Variants in AMMECR1 observed in about 807,000 individuals in gnomAD.
AMMECR1 encodes the protein AMMECR nuclear protein 1.
Under a neutral mutation model 22.5 loss-of-function variants are expected in AMMECR1, and 3 were observed. That is an observed-to-expected ratio of 0.13 (90% CI 0.06 to 0.35). AMMECR1 has a LOEUF of 0.35. Ranked by LOEUF, AMMECR1 falls within the 10% of genes least tolerant of loss-of-function variation. The pLI is 1.00. For synonymous variants in AMMECR1, 130 were observed against 116.7 expected (o/e 1.11, Z -0.74); for missense variants, 235 against 278.7 (o/e 0.84, Z 1.12).
intron 2 of AMMECR1, among the ~76,000 whole-genome samples, chrX:110,344,733 C>T (rs1602914225): frequency 9.0e-6 from 1 of 111,514 alleles, no homozygotes; most frequent in East Asian, 2.8e-4. Context: ...AGCCAACAGA[C>T]ACATGAAAAA....
At chrX:110,344,358 G>T (rs1357458556) in intron 2 of AMMECR1, among the ~76,000 whole-genome samples, 9 of 112,358 alleles carry the variant, frequency 8.0e-5, no homozygotes, top group African/African-American at 2.9e-4. Flanking sequence ...ATGGATTAAA[G>T]ACTTACATGT....
intron 2 of AMMECR1, among the ~76,000 whole-genome samples, chrX:110,346,105 A>G (rs1417355466): frequency 1.8e-5 from 2 of 112,594 alleles, no homozygotes; most frequent in African/African-American, 6.4e-5. Flanking sequence ...ACAATTATTT[A>G]GCATTTCAAG....
intron 2 of AMMECR1, among the ~76,000 whole-genome samples, chrX:110,351,808 T>C (rs1305435916): frequency 8.9e-6 from 1 of 112,101 alleles, no homozygotes; most frequent in African/African-American, 3.2e-5. Flanking sequence ...GAGAATAAGA[T>C]GTGAAAGTGT....
intron 2 of AMMECR1, among the ~76,000 whole-genome samples, chrX:110,388,610 C>T (rs941740285): frequency 1.5e-4 from 17 of 112,199 alleles, no homozygotes; most frequent in African/African-American, 4.9e-4. Flanking sequence ...GGTTCTCAGG[C>T]GTGAGGATGC....
chrX:110,259,879 G>A (rs772424357), intron 2 of AMMECR1, among the ~76,000 whole-genome samples: 15 of 111,304 alleles, frequency 1.3e-4, no homozygotes, highest in Non-Finnish European at 2.1e-4. Flanking sequence ...CACCGCGCCC[G>A]GCCAGGAATC....
intron 2 of AMMECR1, among the ~76,000 whole-genome samples, chrX:110,388,003 A>G (rs1330314511): frequency 9.2e-6 from 1 of 108,997 alleles, no homozygotes; most frequent in Non-Finnish European, 1.9e-5. Flanking sequence ...CTGGGACAAC[A>G]GGCGCCCGCC....
intron 1 of AMMECR1, among the ~76,000 whole-genome samples, chrX:110,287,082 T>C (rs2067884301): frequency 8.9e-6 from 1 of 112,153 alleles, no homozygotes; most frequent in South Asian, 3.7e-4. Context: ...TTAAACAGTT[T>C]GCCTTCTTGT....
chrX:110,385,769 C>T (rs976678403), intron 2 of AMMECR1, among the ~76,000 whole-genome samples: 2 of 111,349 alleles, frequency 1.8e-5, no homozygotes, highest in Admixed American at 9.5e-5. Flanking sequence ...ATCCCATCAC[C>T]CAGACAGTGA....
At chrX:110,343,372 C>A in intron 2 of AMMECR1, among the ~76,000 whole-genome samples, 1 of 111,177 alleles carries the variant, frequency 9.0e-6, no homozygotes, top group African/African-American at 3.3e-5. Context: ...TATGACAAAC[C>A]CACAGCCAAT....
At chrX:110,324,854 G>T (rs1314861164) in intron 2 of AMMECR1, among the ~76,000 whole-genome samples, 1 of 110,513 alleles carries the variant, frequency 9.0e-6, no homozygotes, top group African/African-American at 3.3e-5. Flanking sequence ...CTTCATCATG[G>T]TATATAATTA....
At chrX:110,395,363 G>A (rs1328649316) in intron 2 of AMMECR1, among the ~76,000 whole-genome samples, 1 of 112,085 alleles carries the variant, frequency 8.9e-6, no homozygotes, top group Non-Finnish European at 1.9e-5. Context: ...CCAGGGCAGA[G>A]GCTAGACTGT....
chrX:110,291,025 A>C (rs992203806), intron 1 of AMMECR1, among the ~76,000 whole-genome samples: 3 of 111,888 alleles, frequency 2.7e-5, no homozygotes, highest in African/African-American at 9.8e-5. Flanking sequence ...AGATTTAAAA[A>C]TTCACTGCTC....
chrX:110,350,890 T>G (rs1465740420), intron 2 of AMMECR1, among the ~76,000 whole-genome samples: 1 of 110,938 alleles, frequency 9.0e-6, no homozygotes, highest in African/African-American at 3.3e-5. Context: ...GGAGGTTCAC[T>G]TGAGCCTGGC....
At chrX:110,332,974 C>T (rs900156720) in intron 2 of AMMECR1, among the ~76,000 whole-genome samples, 2 of 111,556 alleles carry the variant, frequency 1.8e-5, no homozygotes, top group South Asian at 7.6e-4. Flanking sequence ...AATACTAGTC[C>T]GTGAGGATGC....
intron 2 of AMMECR1, among the ~76,000 whole-genome samples, chrX:110,406,255 CT>C (rs2068600689): frequency 9.2e-6 from 1 of 109,259 alleles, no homozygotes; most frequent in South Asian, 4.1e-4. Flanking sequence ...TATCCCTCCC[CT>C]AGCCCCCCAC....
chrX:110,288,006 A>G (rs182668532), intron 1 of AMMECR1, among the ~76,000 whole-genome samples: 2 of 112,410 alleles, frequency 1.8e-5, no homozygotes, highest in East Asian at 5.6e-4. Context: ...ATACATGAAT[A>G]GAATTTAATA....
At position 110,420,747 on chromosome X, in the gene AMMECR1, A is replaced by G. The variant is rs139484444; in HGVS notation, c.-148+5911T>C. The stretch of plus-strand genomic sequence containing the variant: ...TTTGCTTCAGTCAGTGCTGCACCAC[A>G]TTTTCCCAACTGGCCTCCGTCGTGA... On this transcript the variant is annotated intron_variant, in intron 2 of 7. Coordinates refer to the AMMECR1 transcript ENST00000372057. Among the ~76,000 whole-genome samples the G allele has an allele frequency of 3.7e-3, 419 of 111,778 alleles. 1 individual carries two copies. The highest frequency in any genetic ancestry group is 8.4e-3 in the South Asian group (22 of 2,630).
chrX:110,284,327 G>A (rs1007934395), intron 1 of AMMECR1, among the ~76,000 whole-genome samples: 7 of 110,943 alleles, frequency 6.3e-5, no homozygotes, highest in African/African-American at 2.3e-4. Flanking sequence ...AGTCTCCTTC[G>A]AATATCTAGA....
chrX:110,433,418 CTT>C (rs2068813166), intron 1 of AMMECR1, among the ~76,000 whole-genome samples: 1 of 111,449 alleles, frequency 9.0e-6, no homozygotes, highest in African/African-American at 3.3e-5. Context: ...ATTCATCTGT[CTT>C]ATCGCAGGCC....
Sources: allele counts gnomAD v4.1 joint callset (sites outside exome capture counted in the v4.1 genomes callset), GRCh38; gene constraint gnomAD v4.1.1; transcripts MANE v1.5; gene names NCBI Gene and HGNC (gene_info 2026-07-23, HGNC 2026-07-21).